The following MEMO1 variants were observed in gnomAD, a reference collection of about 807,000 sequenced individuals.
MEMO1 encodes protein MEMO1.
MEMO1 carries 6 observed loss-of-function variants against 45.2 expected under a neutral mutation model. The observed-to-expected ratio is 0.13, with a 90% CI of 0.07 to 0.26. The LOEUF (loss-of-function observed/expected upper bound fraction) is 0.26, where lower values mean the gene tolerates loss of function less well. MEMO1 is among the 10% of genes least tolerant of loss of function. The pLI, the probability that MEMO1 is intolerant of heterozygous loss-of-function variation, is 1.00. For missense variants in MEMO1, 184 were observed against 370.5 expected (o/e 0.50, Z 4.13); for synonymous variants, 78 against 124.3 (o/e 0.63, Z 2.48).
intron 7 of MEMO1, among the ~76,000 whole-genome samples, chr2:31,891,223 AC>A (rs1395735615): frequency 6.6e-6 from 1 of 152,206 alleles, no homozygotes; most frequent in Non-Finnish European, 1.5e-5. Context: ...GGCATCTTAA[AC>A]CAATAAATTA....
intron 2 of MEMO1, among the ~76,000 whole-genome samples, chr2:31,960,021 A>C (rs1461578924): frequency 6.6e-6 from 1 of 152,180 alleles, no homozygotes; most frequent in East Asian, 1.9e-4. Flanking sequence ...CAGGAGTTCA[A>C]GACCAGCCTG....
intron 6 of MEMO1, among the ~76,000 whole-genome samples, chr2:31,910,083 G>A (rs182716666): frequency 4.3e-4 from 65 of 152,038 alleles, no homozygotes; most frequent in Admixed American, 3.3e-3. Flanking sequence ...TTCAGAAACC[G>A]TGCAAGAAGT....
chr2:31,937,364 T>C (rs763954659), intron 3 of MEMO1, among the ~76,000 whole-genome samples: 1 of 152,230 alleles, frequency 6.6e-6, no homozygotes, highest in African/African-American at 2.4e-5. Context: ...CATATCTAGA[T>C]ATTTTTTGTA....
chr2:31,965,447 T>C (rs1171829333), intron 2 of MEMO1, among the ~76,000 whole-genome samples: 1 of 151,980 alleles, frequency 6.6e-6, no homozygotes, highest in East Asian at 1.9e-4. Context: ...ATCTTGTAAA[T>C]GGGGTAAATG....
chr2:31,983,353 C>T (rs557938259), intron 2 of MEMO1, among the ~76,000 whole-genome samples: 1 of 152,294 alleles, frequency 6.6e-6, no homozygotes, highest in South Asian at 2.1e-4. Flanking sequence ...AAATATATTT[C>T]CTGTCTCTGT....
chr2:31,941,869 T>G (rs1359573386), intron 3 of MEMO1, among the ~76,000 whole-genome samples: 1 of 152,208 alleles, frequency 6.6e-6, no homozygotes, highest in Non-Finnish European at 1.5e-5. Context: ...TGCCTACCAT[T>G]AATAGTAGGC....
At chr2:31,871,871 A>G (rs1225032980) in intron 8 of MEMO1, among the ~76,000 whole-genome samples, 1 of 151,994 alleles carries the variant, frequency 6.6e-6, no homozygotes, top group African/African-American at 2.4e-5. Context: ...AAAATTAGCC[A>G]GTCATGGTGG....
At chr2:31,981,287 C>A (rs977848352) in intron 2 of MEMO1, among the ~76,000 whole-genome samples, 1 of 152,204 alleles carries the variant, frequency 6.6e-6, no homozygotes, top group Admixed American at 6.5e-5. Flanking sequence ...AATGACTGCC[C>A]ATTTCCTCAA....
rs898330958 is a variant in MEMO1 at position 31,949,877 on chromosome 2, C to G, written c.62-6494G>C. Among the ~76,000 whole-genome samples, 11 of 150,470 alleles carry G rather than the reference C, an allele frequency of 7.3e-5. No individual in the cohort carries two copies. The East Asian group carries it at 2.1e-3, about 29-fold the overall frequency. The stretch of plus-strand genomic sequence containing the variant: ...ATTGCATGCCTGTATCAAAACATCT[C>G]ATGTACCTCCCATAAATATATATAC... On this transcript the variant is annotated intron_variant, in intron 2 of 9. Coordinates refer to ENST00000404530, the MANE Select transcript of MEMO1 (RefSeq NM_001301833.4).
intron 7 of MEMO1, among the ~76,000 whole-genome samples, chr2:31,884,221 T>C (rs1420763633): frequency 6.6e-6 from 1 of 152,158 alleles, no homozygotes; most frequent in Non-Finnish European, 1.5e-5. Flanking sequence ...AAATTCTGTT[T>C]CCTACTAGTT....
chr2:31,874,437 T>G (rs939329688), intron 8 of MEMO1, among the ~76,000 whole-genome samples: 3 of 152,122 alleles, frequency 2.0e-5, no homozygotes, highest in Non-Finnish European at 4.4e-5. Flanking sequence ...TTTGTTCTCC[T>G]ATATTTTATG....
intron 2 of MEMO1, among the ~76,000 whole-genome samples, chr2:31,958,420 G>C (rs1366072795): frequency 6.6e-6 from 1 of 151,596 alleles, no homozygotes; most frequent in African/African-American, 2.4e-5. Flanking sequence ...AATCATAACA[G>C]AAAAGGTCAG....
intron 2 of MEMO1, among the ~76,000 whole-genome samples, chr2:31,955,744 G>A (rs1317256861): frequency 6.6e-6 from 1 of 151,984 alleles, no homozygotes; most frequent in Non-Finnish European, 1.5e-5. Context: ...CAGTAGCTGA[G>A]ATTATAGGCA....
intron 6 of MEMO1, among the ~76,000 whole-genome samples, chr2:31,910,264 A>G (rs1680354206): frequency 6.6e-6 from 1 of 152,220 alleles, no homozygotes; most frequent in Non-Finnish European, 1.5e-5. Flanking sequence ...AAATGTTAAA[A>G]GAAGTCCCTC....
At chr2:31,889,316 T>C (rs184520633) in intron 7 of MEMO1, among the ~76,000 whole-genome samples, 68 of 152,188 alleles carry the variant, frequency 4.5e-4, no homozygotes, top group African/African-American at 1.6e-3. Context: ...CAATGAACCA[T>C]TTAAGACCTC....
chr2:31,944,826 CTTTCT>C (rs1297266415), intron 2 of MEMO1, among the ~76,000 whole-genome samples: 1 of 152,100 alleles, frequency 6.6e-6, no homozygotes, highest in Admixed American at 6.5e-5. Flanking sequence ...GCCATCCATT[CTTTCT>C]TTTAAAACTT....
At chr2:31,937,716 G>C (rs1460748201) in intron 3 of MEMO1, among the ~76,000 whole-genome samples, 2 of 152,112 alleles carry the variant, frequency 1.3e-5, no homozygotes, top group South Asian at 2.1e-4. Flanking sequence ...CTAATATCAA[G>C]TCAAAGTCCT....
At chr2:31,937,891 G>T (rs1408072215) in intron 3 of MEMO1, among the ~76,000 whole-genome samples, 1 of 152,052 alleles carries the variant, frequency 6.6e-6, no homozygotes, top group African/African-American at 2.4e-5. Context: ...TCATTCTAGG[G>T]GTTGCTGACA....
intron 2 of MEMO1, among the ~76,000 whole-genome samples, chr2:31,984,587 T>C (rs1360821223): frequency 2.0e-5 from 3 of 152,120 alleles, no homozygotes; most frequent in African/African-American, 7.2e-5. Context: ...AGGCGGGCGA[T>C]AACGAGGTCA....
Sources: allele counts gnomAD v4.1 joint callset (sites outside exome capture counted in the v4.1 genomes callset), GRCh38; gene constraint gnomAD v4.1.1; transcripts MANE v1.5; gene names NCBI Gene and HGNC (gene_info 2026-07-23, HGNC 2026-07-21).